The following EDC3 variants were observed in gnomAD, a reference collection of about 807,000 sequenced individuals.
EDC3 encodes the protein enhancer of mRNA decapping 3, also known as enhancer of mRNA-decapping protein 3.
In EDC3, 20 loss-of-function variants were observed where a neutral mutation model predicts 41.8. The ratio of observed to expected loss-of-function variants is 0.48; its 90% CI spans 0.34 to 0.70. The LOEUF is 0.70. Ranked by LOEUF, EDC3 falls within the 30% of genes least tolerant of loss-of-function variation. EDC3 has a pLI of 0.01. For synonymous variants in EDC3, 206 were observed against 243.2 expected (o/e 0.85, Z 1.42); for missense variants, 444 against 636.8 (o/e 0.70, Z 3.26).
chr15:74,643,041 C>G (rs2062372481), intron 4 of EDC3: 1 of 152,168 alleles, frequency 6.6e-6, no homozygotes, highest in Admixed American at 6.5e-5. Context: ...GTTATGGGGT[C>G]TAGAACTCTA....
At chr15:74,657,385 A>G (rs1197226961) in intron 3 of EDC3, among the ~76,000 whole-genome samples, 1 of 152,206 alleles carries the variant, frequency 6.6e-6, no homozygotes, top group African/African-American at 2.4e-5. Flanking sequence ...GGTCTGAGTG[A>G]GTGGAGTTTG....
At chr15:74,681,678 G>A (rs1243740627) in intron 1 of EDC3, among the ~76,000 whole-genome samples, 4 of 152,128 alleles carry the variant, frequency 2.6e-5, no homozygotes, top group African/African-American at 4.8e-5. Flanking sequence ...AACAAATAGC[G>A]CTGGAGCAAA....
At chr15:74,640,420 G>A in intron 5 of EDC3, 46 bp downstream of exon 5, 1 of 1,601,366 alleles carries the variant, frequency 6.2e-7, no homozygotes, top group Admixed American at 1.7e-5. Context: ...GCCAGGCAGA[G>A]CATCCTTACT....
rs996106344 is a variant in EDC3 at position 74,635,586 on chromosome 15, G to T, written c.1015C>A (p.Leu339Ile). 1.2e-6 allele frequency: 2 copies of T among 1,614,066 alleles called. No homozygotes were observed. The highest frequency in any genetic ancestry group is 2.7e-5 in the African/African-American group (2 of 74,932). The part of the protein sequence containing the change: ...KNVHQRPTVA[L>I]LCGPHVKGAQ... Reference sequence around the variant, plus strand: ...CCCTTCACATGAGGTCCACACAGTAGAGCCACTGTAGGCCTCTGGTGAACA... The same window carrying T: ...CCCTTCACATGAGGTCCACACAGTATAGCCACTGTAGGCCTCTGGTGAACA... The change falls in exon 6 of 7, where the codon CTA becomes ATA. Residue 339 changes from leucine (L) to isoleucine (I), a missense_variant. Around this residue, in one of 3 missense-constraint regions of EDC3, gnomAD observed 242 missense variants for 363.8 expected, o/e 0.67. Transcript: ENST00000315127.
chr15:74,635,197 A>G (rs1334755565), intron 6 of EDC3: 18 of 698,114 alleles, frequency 2.6e-5, no homozygotes, highest in East Asian at 5.4e-5. Flanking sequence ...GAATGGACCA[A>G]TGGGTCCCCA....
chr15:74,686,188 G>A (rs574606453), intron 1 of EDC3, among the ~76,000 whole-genome samples: 6 of 152,202 alleles, frequency 3.9e-5, no homozygotes, highest in East Asian at 1.9e-4. Context: ...AGCCAAATGC[G>A]GTGGCATGTT....
At chr15:74,666,307 T>C (rs1003955353) in intron 3 of EDC3, among the ~76,000 whole-genome samples, 5 of 152,354 alleles carry the variant, frequency 3.3e-5, no homozygotes, top group Middle Eastern at 3.4e-3. Context: ...ATCTGGATTC[T>C]ACATAAGTTT....
At position 74,695,986 on chromosome 15, in the gene EDC3, G is replaced by C. The variant is rs932387934; in HGVS notation, c.-125C>G. ...TCTCCACGCCCACCCCCACAGCATC[G>C]GCCTTCACCACCGCCGCCGCTGCCG... On this transcript the variant is annotated 5_prime_UTR_variant, in exon 1 of 7. Coordinates refer to ENST00000315127, the MANE Select transcript of EDC3 (RefSeq NM_025083.5). The C allele has an allele frequency of 6.6e-6, 1 of 152,402 alleles. No individual in the cohort carries two copies. Among genetic ancestry groups the C allele is most frequent in the African/African-American group, 2.4e-5 (1 of 41,400 alleles). The allele number at this position is 152,402 out of a possible 1,614,324, so 9.4% of individuals were successfully genotyped here.
intron 3 of EDC3, among the ~76,000 whole-genome samples, chr15:74,665,019 A>T (rs1369604644): frequency 6.6e-6 from 1 of 152,210 alleles, no homozygotes; most frequent in Non-Finnish European, 1.5e-5. Context: ...GTTAAAGGCC[A>T]GCTATCTACT....
chr15:74,677,744 T>C (rs1342787496), intron 1 of EDC3, among the ~76,000 whole-genome samples: 3 of 152,164 alleles, frequency 2.0e-5, no homozygotes, highest in Admixed American at 6.5e-5. Context: ...CTCTCCTTGG[T>C]ATTTACCCAG....
intron 3 of EDC3, 58 bp from the exon 4 acceptor site, chr15:74,656,126 G>A (rs944902233): frequency 1.4e-6 from 2 of 1,464,738 alleles, no homozygotes; most frequent in Non-Finnish European, 1.9e-6. Flanking sequence ...CAGTGAACGT[G>A]GAAAATACAT....
chr15:74,684,370 A>G (rs1288074314), intron 1 of EDC3, among the ~76,000 whole-genome samples: 4 of 149,822 alleles, frequency 2.7e-5, no homozygotes, highest in Non-Finnish European at 5.9e-5. Context: ...GGGTTTTGCC[A>G]TGTTGCCCAG....
chr15:74,666,115 T>C (rs536801889), intron 3 of EDC3, among the ~76,000 whole-genome samples: 1 of 152,284 alleles, frequency 6.6e-6, no homozygotes, highest in East Asian at 1.9e-4. Flanking sequence ...TATATTTCTA[T>C]AGCTTCATCA....
intron 1 of EDC3, among the ~76,000 whole-genome samples, chr15:74,694,082 C>A (rs1004746054): frequency 3.3e-5 from 5 of 152,160 alleles, no homozygotes; most frequent in African/African-American, 1.2e-4. Flanking sequence ...TTTGGATGTC[C>A]TGTCCTGTTG....
chr15:74,651,185 G>A (rs145626901), intron 4 of EDC3, among the ~76,000 whole-genome samples: 1 of 152,116 alleles, frequency 6.6e-6, no homozygotes, highest in East Asian at 1.9e-4. Context: ...CGTAGAATCA[G>A]TCTTCAAAGA....
chr15:74,636,017 T>C, intron 5 of EDC3: 1 of 199,510 alleles, frequency 5.0e-6, no homozygotes, highest in South Asian at 9.8e-5. Flanking sequence ...CTTGTAAGGC[T>C]CTTTCCTGCT....
In EDC3 at chr15:74,632,995, G is replaced by A; in HGVS notation, c.1193-49C>T. 1.3e-6 allele frequency: 2 copies of A among 1,583,856 alleles called. No individual in the cohort carries two copies. Among genetic ancestry groups the A allele is most frequent in the Non-Finnish European group, 1.7e-6 (2 of 1,160,480 alleles). ...TGAAAGTCCCTATGAGCAGAGAGCA[G>A]CCCAGGCTGGGACTAGGGCCCAGGT... On this transcript the variant is annotated intron_variant, in intron 6 of 6. Transcript: ENST00000315127. The surrounding 1 kb of genome is among the most constrained non-coding windows in gnomAD (Gnocchi z 4.0).
At chr15:74,693,845 G>A (rs1311620984) in intron 1 of EDC3, among the ~76,000 whole-genome samples, 1 of 152,092 alleles carries the variant, frequency 6.6e-6, no homozygotes, top group African/African-American at 2.4e-5. Context: ...TTAGCCAGGC[G>A]TGGTGGTGCA....
At position 74,632,973 on chromosome 15, in the gene EDC3, A is replaced by G; in HGVS notation, c.1193-27T>C. ...TGCAGGTGGAAAGAGTGCCATCTGA[A>G]AGTCCCTATGAGCAGAGAGCAGCCC... is the stretch of plus-strand genomic sequence containing the variant. On this transcript the variant is annotated intron_variant, in intron 6 of 6. Coordinates refer to ENST00000315127, the MANE Select transcript of EDC3 (RefSeq NM_025083.5). This position sits in a 1 kb window ranked among gnomAD's most constrained non-coding sequence, Gnocchi z 4.0. 2.5e-6 allele frequency: 4 copies of G among 1,608,506 alleles called. No individual in the cohort carries two copies. The highest frequency in any genetic ancestry group is 3.4e-6 in the Non-Finnish European group (4 of 1,176,340).
Sources: gnomAD v4.1 joint callset for allele counts (sites outside exome capture counted in the v4.1 genomes callset) on GRCh38, gnomAD v4.1.1 for gene constraint, gnomAD v4.1.1 regional missense constraint, Gnocchi (gnomAD v3.1) non-coding constraint, MANE v1.5 for transcripts, NCBI Gene and HGNC (gene_info 2026-07-23, HGNC 2026-07-21) for gene names.